The following CADPS variants were observed in gnomAD, a reference collection of about 807,000 sequenced individuals.
CADPS encodes the protein calcium-dependent secretion activator 1.
Under a neutral mutation model 167.3 loss-of-function variants are expected in CADPS, and 57 were observed. The ratio of observed to expected loss-of-function variants is 0.34; its 90% CI spans 0.28 to 0.42. CADPS has a LOEUF of 0.42. Among genes scored for constraint, CADPS ranks in the 20% least tolerant of loss-of-function variants. The pLI is 1.00. For synonymous variants in CADPS, 676 were observed against 635.3 expected, an observed-to-expected ratio of 1.06 and a Z score of -0.96; for missense variants, 1,414 against 1,738.1, an observed-to-expected ratio of 0.81 and a Z score of 3.32.
chr3:62,561,128 T>C (rs2079082227), intron 9 of CADPS, among the ~76,000 whole-genome samples: 1 of 150,636 alleles, frequency 6.6e-6, no homozygotes, highest in African/African-American at 2.4e-5. Context: ...CCTTTATTAT[T>C]AGATAGTGTG....
chr3:62,484,305 T>A (rs1375571028), intron 21 of CADPS, among the ~76,000 whole-genome samples: 1 of 152,154 alleles, frequency 6.6e-6, no homozygotes, highest in East Asian at 1.9e-4. Context: ...ATCAAGGAGG[T>A]AATTCTAAGC....
chr3:62,694,503 G>A (rs1563946692), intron 3 of CADPS, among the ~76,000 whole-genome samples: 1 of 151,942 alleles, frequency 6.6e-6, no homozygotes, highest in African/African-American at 2.4e-5. Context: ...CAGTTACCTG[G>A]GGGAAGATCA....
chr3:62,586,488 G>T (rs1003138043), intron 7 of CADPS, among the ~76,000 whole-genome samples: 8 of 152,126 alleles, frequency 5.3e-5, no homozygotes, highest in African/African-American at 1.9e-4. Flanking sequence ...CTGCTGAGAG[G>T]AGGAGGAGGA....
intron 1 of CADPS, among the ~76,000 whole-genome samples, chr3:62,821,735 G>A (rs1392656189): frequency 1.3e-5 from 2 of 152,138 alleles, no homozygotes; most frequent in East Asian, 3.9e-4. Flanking sequence ...ACAGTCATAG[G>A]TATCAGGGGT....
intron 8 of CADPS, among the ~76,000 whole-genome samples, chr3:62,571,673 T>A (rs1374773840): frequency 6.6e-6 from 1 of 151,948 alleles, no homozygotes; most frequent in Non-Finnish European, 1.5e-5. Context: ...CAAGTGATTC[T>A]CCTGCCTCAG....
intron 13 of CADPS, among the ~76,000 whole-genome samples, chr3:62,529,389 C>G (rs917681142): frequency 6.6e-6 from 1 of 152,182 alleles, no homozygotes; most frequent in African/African-American, 2.4e-5. Flanking sequence ...CATTTGTTCT[C>G]TGCTCCACTT....
intron 3 of CADPS, among the ~76,000 whole-genome samples, chr3:62,725,961 C>T (rs2076675062): frequency 6.6e-6 from 1 of 151,740 alleles, no homozygotes; most frequent in Non-Finnish European, 1.5e-5. Flanking sequence ...TAGAACCTGC[C>T]AGAGTCTGGC....
intron 11 of CADPS, among the ~76,000 whole-genome samples, chr3:62,538,707 T>C (rs1274903110): frequency 6.6e-6 from 1 of 152,212 alleles, no homozygotes; most frequent in Non-Finnish European, 1.5e-5. Context: ...ACTGGTCATT[T>C]AGCTCAGAGA....
chr3:62,462,111 G>A (rs1201487333), intron 26 of CADPS, among the ~76,000 whole-genome samples: 1 of 152,238 alleles, frequency 6.6e-6, no homozygotes, highest in East Asian at 1.9e-4. Flanking sequence ...ACAAGACAGG[G>A]ACCCTTCCAA....
intron 3 of CADPS, among the ~76,000 whole-genome samples, chr3:62,732,724 G>A (rs938927948): frequency 3.3e-5 from 5 of 152,162 alleles, no homozygotes; most frequent in African/African-American, 1.2e-4. Flanking sequence ...ACTCATAGAG[G>A]GAATGCTGCA....
intron 1 of CADPS, among the ~76,000 whole-genome samples, chr3:62,851,814 G>T (rs566375572): frequency 0.025 from 3,824 of 150,208 alleles, 212 homozygotes; most frequent in African/African-American, 0.089. Flanking sequence ...GAATCTGAAC[G>T]TTGGCCTGCC....
chr3:62,461,554 C>T (rs764782958), intron 26 of CADPS, among the ~76,000 whole-genome samples: 36 of 152,140 alleles, frequency 2.4e-4, no homozygotes, highest in African/African-American at 7.2e-4. Flanking sequence ...ATCCCTAAAC[C>T]GTGTTTATGT....
intron 28 of CADPS, among the ~76,000 whole-genome samples, chr3:62,419,219 C>T (rs2050806834): frequency 1.3e-5 from 2 of 152,180 alleles, no homozygotes; most frequent in African/African-American, 4.8e-5. Flanking sequence ...AAGCCCCAAT[C>T]AGCTTCTAAC....
chr3:62,629,757 G>GTTTTTTTTTTTTTTTTTTT (rs55956118), intron 6 of CADPS, among the ~76,000 whole-genome samples: 2 of 145,678 alleles, frequency 1.4e-5, no homozygotes, highest in African/African-American at 2.5e-5. Context: ...CTCTGGTACA[G>GTTTTTTTTTTTTTTTTTTT]TTTTTTTTTT....
chr3:62,429,201 G>A lies in CADPS; in HGVS notation c.3777+8903C>T, dbSNP rs531031460. Among the ~76,000 whole-genome samples the A allele has an allele frequency of 2.6e-4, 39 of 152,258 alleles. 1 individual carries two copies. The highest frequency in any genetic ancestry group is 6.8e-3 in the Middle Eastern group (2 of 294). On this transcript the variant is annotated intron_variant, in intron 28 of 29. Coordinates refer to ENST00000383710, the MANE Select transcript of CADPS (RefSeq NM_003716.4). The stretch of plus-strand genomic sequence containing the variant: ...TCTCATTGTGAGTTGGGGCAAATAA[G>A]TTTGAAGTAATTGATCTTGCCCACT...
intron 6 of CADPS, among the ~76,000 whole-genome samples, chr3:62,619,084 A>G (rs1027425035): frequency 6.6e-6 from 1 of 152,152 alleles, no homozygotes; most frequent in South Asian, 2.1e-4. Context: ...TACTTACAGA[A>G]CCTCTGTGGC....
At chr3:62,670,304 T>C (rs1272282596) in intron 3 of CADPS, among the ~76,000 whole-genome samples, 4 of 152,158 alleles carry the variant, frequency 2.6e-5, no homozygotes, top group Non-Finnish European at 5.9e-5. Flanking sequence ...AGGGCTCTGT[T>C]TCAGGGTTAT....
At chr3:62,832,615 G>A (rs2075280596) in intron 1 of CADPS, among the ~76,000 whole-genome samples, 1 of 152,218 alleles carries the variant, frequency 6.6e-6, no homozygotes, top group Non-Finnish European at 1.5e-5. Context: ...CTTGTTACCA[G>A]TAGGACTAAG....
chr3:62,741,373 A>G lies in CADPS; in HGVS notation c.888+12068T>C, dbSNP rs185944125. Among the ~76,000 whole-genome samples the G allele has an allele frequency of 1.5e-3, 226 of 152,322 alleles. 2 individuals carry two copies. Among genetic ancestry groups the G allele is most frequent in the South Asian group, 6.6e-3 (32 of 4,828 alleles). ...TGATGAACGTTGATGTAAAATCCTC[A>G]GCAAAATACTGGCAAACTGAGTCCA... On this transcript the variant is annotated intron_variant, in intron 3 of 29. Transcript: ENST00000383710.
Sources: allele counts gnomAD v4.1 joint callset (sites outside exome capture counted in the v4.1 genomes callset), GRCh38; gene constraint gnomAD v4.1.1; transcripts MANE v1.5; gene names NCBI Gene and HGNC (gene_info 2026-07-23, HGNC 2026-07-21).